Variants in CARD8 observed in about 807,000 individuals in gnomAD.
CARD8 encodes caspase recruitment domain family member 8.
A neutral mutation model predicts 53.2 loss-of-function variants in CARD8; 38 were observed. The observed-to-expected ratio is 0.71, with a 90% CI of 0.55 to 0.94. The LOEUF (loss-of-function observed/expected upper bound fraction) is 0.94, where lower values mean the gene tolerates loss of function less well. Among genes scored for constraint, CARD8 ranks in the 40% least tolerant of loss-of-function variants. The pLI, the probability that CARD8 is intolerant of heterozygous loss-of-function variation, is 0.00. For missense variants in CARD8, 561 were observed against 655.5 expected (o/e 0.86, Z 1.57); for synonymous variants, 245 against 244.9 (o/e 1.00, Z 0.00).
rs2047213608 is a variant in CARD8 at position 48,253,640 on chromosome 19, G to A, written c.-252+2152C>T. ...CTATCTGTGTAAAAATGTAATCAAT[G>A]GGGAGCAGGTGCACCTCCAATAATA... is the stretch of plus-strand genomic sequence containing the variant. On this transcript the variant is annotated intron_variant, in intron 1 of 13. Transcript: ENST00000651546. 2.0e-5 allele frequency among the ~76,000 whole-genome samples: 3 copies of A among 152,132 alleles called. No individual in the cohort carries two copies. In the South Asian group the frequency reaches 6.2e-4, roughly 31 times the overall value.
At chr19:48,231,948 G>GT (rs113218155) in intron 7 of CARD8, 138 bp from the exon 8 acceptor site, 9 of 767,028 alleles carry the variant, frequency 1.2e-5, no homozygotes, top group Admixed American at 9.8e-5. Context: ...AGAATATGCA[G>GT]TTTCGCTTCT....
chr19:48,240,028 G>A (rs558239311), intron 4 of CARD8, among the ~76,000 whole-genome samples: 1 of 152,178 alleles, frequency 6.6e-6, no homozygotes, highest in East Asian at 1.9e-4. Context: ...CCTCTCAAAG[G>A]CCCCATCTCC....
At chr19:48,244,882 G>C in intron 3 of CARD8, among the ~76,000 whole-genome samples, 1 of 151,348 alleles carries the variant, frequency 6.6e-6, no homozygotes, top group East Asian at 1.9e-4. Flanking sequence ...CTCTTGGGGG[G>C]AAAAAAACTC....
In CARD8 at chr19:48,231,776, G is replaced by A. The variant is rs200492586; in HGVS notation, c.426C>T (p.Ser142=). The A allele has an allele frequency of 6.2e-7, 1 of 1,613,740 alleles. No homozygotes were observed. The highest frequency in any genetic ancestry group is 8.5e-7 in the Non-Finnish European group (1 of 1,179,866). The change falls in exon 8 of 14, where the codon TCC becomes TCT. Residue 142 remains serine (S), a synonymous_variant. Transcript: ENST00000651546. ...CAAAACAGACTTTAGAAGCATAAGA[G>A]GAAACTATTTGATTCTCTTCTGAGC... ...DICSEENQIV[S]SYASKVCFEI... is the part of the protein sequence containing the mutation.
At chr19:48,206,185 A>G (rs966699514), downstream of CARD8, among the ~76,000 whole-genome samples, 1 of 152,174 alleles carries the variant, frequency 6.6e-6, no homozygotes, top group Admixed American at 6.5e-5. Flanking sequence ...GCCGTGAGCC[A>G]TCGCCCCCAG....
chr19:48,238,589 G>C, intron 4 of CARD8, 57 bp from the exon 5 acceptor site: 1 of 1,483,290 alleles, frequency 6.7e-7, no homozygotes, highest in Non-Finnish European at 9.1e-7. Context: ...TCGATGGTGG[G>C]ACAATCTCCT....
chr19:48,229,266 C>T (rs1215224323), intron 10 of CARD8, among the ~76,000 whole-genome samples: 1 of 152,122 alleles, frequency 6.6e-6, no homozygotes, highest in African/African-American at 2.4e-5. Flanking sequence ...GTTTTTCCAT[C>T]CCATTTTGTT....
intron 12 of CARD8, 70 bp downstream of exon 12, chr19:48,218,801 T>C: frequency 2.0e-6 from 3 of 1,486,320 alleles, no homozygotes; most frequent in Non-Finnish European, 2.8e-6. Context: ...AGATTTCTTC[T>C]TTGAAATCCA....
intron 13 of CARD8, 25 bp from the exon 14 acceptor site, chr19:48,212,000 C>T: frequency 6.2e-7 from 1 of 1,605,688 alleles, no homozygotes; most frequent in Non-Finnish European, 8.5e-7. Context: ...GAGTTTCAGA[C>T]TTTGAGAATC....
At chr19:48,234,244 T>G in intron 6 of CARD8, 159 bp downstream of exon 6, 1 of 688,988 alleles carries the variant, frequency 1.5e-6, no homozygotes, top group Non-Finnish European at 2.4e-6. Flanking sequence ...TGCTTAAGGT[T>G]TGTTTCAAAA....
chr19:48,210,704 CGTAA>C lies in CARD8; in HGVS notation c.*1002_*1005del, dbSNP rs1055837421. 4.6e-5 allele frequency: 7 copies of C among 152,032 alleles called. No homozygotes were observed. The highest frequency in any genetic ancestry group is 1.0e-4 in the Non-Finnish European group (7 of 67,992). 9.4% of individuals were successfully genotyped at this position (152,032 alleles called of 1,614,324 possible). A position where few individuals can be genotyped will look rare whatever the true frequency, so the allele number is the denominator to read the frequency against. ...CCTAACATATTAATAATTACATTAACGTAAGTAATTGAAATCTTCCAGTTAAAAG... is the reference window on the plus strand; with the variant it reads ...CCTAACATATTAATAATTACATTAACGTAATTGAAATCTTCCAGTTAAAAG... On this transcript the variant is annotated 3_prime_UTR_variant, in exon 14 of 14. Transcript: ENST00000651546.
chr19:48,222,370 G>A (rs746112202), intron 10 of CARD8, among the ~76,000 whole-genome samples: 2 of 152,142 alleles, frequency 1.3e-5, no homozygotes, highest in African/African-American at 2.4e-5. Flanking sequence ...AGGCCCAGCA[G>A]CCACAGCAGA....
chr19:48,214,486 T>TA (rs1422281222), intron 13 of CARD8, among the ~76,000 whole-genome samples: 3 of 152,116 alleles, frequency 2.0e-5, no homozygotes, highest in African/African-American at 7.2e-5. Context: ...TATAACCTCT[T>TA]ACGGAGGTTG....
chr19:48,228,093 C>A (rs1055715037), intron 10 of CARD8, among the ~76,000 whole-genome samples: 1 of 152,330 alleles, frequency 6.6e-6, no homozygotes, highest in East Asian at 1.9e-4. Flanking sequence ...ACTGCCCATG[C>A]AAGGGATCTA....
At chr19:48,251,527 A>G (rs2046941480) in intron 1 of CARD8, among the ~76,000 whole-genome samples, 1 of 152,162 alleles carries the variant, frequency 6.6e-6, no homozygotes, top group Non-Finnish European at 1.5e-5. Context: ...TACCAATTTC[A>G]CCATTTCTGG....
chr19:48,210,830 G>A lies in CARD8; in HGVS notation c.*880C>T, dbSNP rs1263100437. ...TGTTTTAAACAGATTAAACATAAAA[G>A]GATGGAAATATGTGTGCCACGAAAA... On this transcript the variant is annotated 3_prime_UTR_variant, in exon 14 of 14. Transcript: ENST00000651546. 2 of 151,624 alleles carry A rather than the reference G, an allele frequency of 1.3e-5. No individual in the cohort carries two copies. Among genetic ancestry groups the A allele is most frequent in the African/African-American group, 2.4e-5 (1 of 41,390 alleles). The allele number at this position is 151,624 out of a possible 1,614,324, so 9.4% of individuals were successfully genotyped here. A position where few individuals can be genotyped will look rare whatever the true frequency, so the allele number is the denominator to read the frequency against.
rs138654281 is a variant in CARD8 at position 48,231,701 on chromosome 19, A to G, written c.501T>C (p.Asn167=). The change falls in exon 8 of 14, where the codon AAT becomes AAC. Residue 167 remains asparagine, a synonymous_variant. Coordinates refer to ENST00000651546, the MANE Select transcript of CARD8 (RefSeq NM_001184900.3). ...KNRQFLGPEG[N]VDVELIDKST... is the part of the protein sequence containing the mutation. The stretch of plus-strand genomic sequence containing the variant: ...TCTTATCAATCAACTCAACATCCAC[A>G]TTTCCTTCAGGCCCCAGAAACTGAC... 5.7e-5 allele frequency: 92 copies of G among 1,611,836 alleles called. No individual in the cohort carries two copies. In the African/African-American group the frequency reaches 1.1e-3, roughly 20 times the overall value.
chr19:48,227,786 G>A (rs2042076057), intron 10 of CARD8, among the ~76,000 whole-genome samples: 2 of 143,766 alleles, frequency 1.4e-5, no homozygotes, highest in Non-Finnish European at 3.0e-5. Context: ...CTGGGTGAGA[G>A]GGCTAGACTC....
intron 3 of CARD8, among the ~76,000 whole-genome samples, chr19:48,248,301 G>A (rs2046435710): frequency 6.6e-6 from 1 of 152,060 alleles, no homozygotes; most frequent in South Asian, 2.1e-4. Context: ...GATCACTTGG[G>A]TCCAAATGGC....
Sources: gnomAD v4.1 joint callset for allele counts (sites outside exome capture counted in the v4.1 genomes callset) on GRCh38, gnomAD v4.1.1 for gene constraint, MANE v1.5 for transcripts, NCBI Gene and HGNC (gene_info 2026-07-23, HGNC 2026-07-21) for gene names.